ITSN1: variants seen among roughly 807,000 people sequenced by gnomAD.
The protein encoded by ITSN1 is intersectin-1.
ITSN1 carries 58 observed loss-of-function variants against 239.8 expected under a neutral mutation model. The ratio of observed to expected loss-of-function variants is 0.24; its 90% confidence interval spans 0.20 to 0.30. The LOEUF is 0.30. ITSN1 is among the 10% of genes least tolerant of loss of function. ITSN1 has a pLI of 1.00. For missense variants in ITSN1, 1,558 were observed against 2,103.3 expected, an observed-to-expected ratio of 0.74 and a Z score of 5.07; for synonymous variants, 780 against 770.8, an observed-to-expected ratio of 1.01 and a Z score of -0.20.
intron 1 of ITSN1, among the ~76,000 whole-genome samples, chr21:33,708,185 C>G (rs1339306253): frequency 1.3e-5 from 2 of 152,254 alleles, no homozygotes; most frequent in Non-Finnish European, 2.9e-5. Context: ...TATTTTACAT[C>G]TCAGCCATTT....
chr21:33,856,097 G>A (rs184581928), intron 29 of ITSN1, among the ~76,000 whole-genome samples: 3 of 152,252 alleles, frequency 2.0e-5, no homozygotes, highest in East Asian at 3.9e-4. Flanking sequence ...CGGTGTCCTC[G>A]TCTGTGAAAT....
intron 29 of ITSN1, among the ~76,000 whole-genome samples, chr21:33,841,000 C>T (rs1053153725): frequency 2.0e-5 from 3 of 152,016 alleles, no homozygotes; most frequent in Admixed American, 2.0e-4. Flanking sequence ...AGCAGGCCTG[C>T]AGAGTTGGGG....
chr21:33,868,453 C>G (rs1254996196), intron 33 of ITSN1, among the ~76,000 whole-genome samples: 3 of 152,234 alleles, frequency 2.0e-5, no homozygotes, highest in Non-Finnish European at 2.9e-5. Context: ...CAGTCCCGAG[C>G]CCTGCCCCGC....
chr21:33,746,668 C>T (rs1021698666), intron 5 of ITSN1, among the ~76,000 whole-genome samples: 9 of 152,094 alleles, frequency 5.9e-5, no homozygotes, highest in Non-Finnish European at 1.3e-4. Context: ...TGATGAAACC[C>T]CGTCTCTGCT....
In ITSN1 at chr21:33,836,425, G is replaced by C; in HGVS notation, c.3470-16G>C. The C allele has an allele frequency of 6.3e-7, 1 of 1,579,808 alleles. No homozygotes were observed. ...CGGCGGGTGTGCAGCCGCTCACCCA[G>C]CCCTGTCTCCTGCAGTGTGCCAGGT... On this transcript the variant is annotated splice_polypyrimidine_tract_variant and intron_variant, in intron 28 of 39. Transcript: ENST00000381318.
intron 16 of ITSN1, among the ~76,000 whole-genome samples, chr21:33,782,473 C>T (rs956248135): frequency 6.6e-6 from 1 of 152,082 alleles, no homozygotes; most frequent in Non-Finnish European, 1.5e-5. Flanking sequence ...TTTTTTAAAA[C>T]TAAGAATTTT....
chr21:33,877,351 C>T (rs1326328779), intron 34 of ITSN1, among the ~76,000 whole-genome samples: 1 of 152,014 alleles, frequency 6.6e-6, no homozygotes, highest in Non-Finnish European at 1.5e-5. Flanking sequence ...CCGCACCTGG[C>T]CCACCTGCAG....
chr21:33,749,832 TTTTA>T (rs1485118681), intron 5 of ITSN1, among the ~76,000 whole-genome samples: 1 of 152,092 alleles, frequency 6.6e-6, no homozygotes, highest in African/African-American at 2.4e-5. Flanking sequence ...CCAGTTAGGA[TTTTA>T]TTTATTTTTA....
At chr21:33,881,105 C>T (rs113466590) in intron 34 of ITSN1, among the ~76,000 whole-genome samples, 2,039 of 152,174 alleles carry the variant, frequency 0.013, 54 homozygotes, top group African/African-American at 0.047. Flanking sequence ...ACTGGAGGGT[C>T]GCTCAACACC....
chr21:33,782,834 G>C (rs2070313616), intron 16 of ITSN1, among the ~76,000 whole-genome samples: 1 of 152,006 alleles, frequency 6.6e-6, no homozygotes, highest in South Asian at 2.1e-4. Context: ...GACCATCCTG[G>C]CTAACACGGT....
chr21:33,672,939 T>C (rs1018407867), intron 1 of ITSN1, among the ~76,000 whole-genome samples: 22 of 152,296 alleles, frequency 1.4e-4, no homozygotes, highest in Non-Finnish European at 2.6e-4. Flanking sequence ...CTCGATCTCT[T>C]GACCTCGTGA....
At chr21:33,812,087 CT>C (rs2148198840) in intron 21 of ITSN1, among the ~76,000 whole-genome samples, 1 of 152,238 alleles carries the variant, frequency 6.6e-6, no homozygotes, top group African/African-American at 2.4e-5. Context: ...GTTTTTCATA[CT>C]TTATTTTCAC....
At chr21:33,825,365 A>G (rs888721176) in intron 25 of ITSN1, among the ~76,000 whole-genome samples, 1 of 152,192 alleles carries the variant, frequency 6.6e-6, no homozygotes, top group Admixed American at 6.5e-5. Flanking sequence ...CTTTCGTCCT[A>G]CTTGAATACA....
chr21:33,727,143 GC>G (rs2065877986), intron 4 of ITSN1, among the ~76,000 whole-genome samples: 1 of 152,034 alleles, frequency 6.6e-6, no homozygotes, highest in Non-Finnish European at 1.5e-5. Flanking sequence ...TATAACCGTG[GC>G]CAAAGATGGT....
At chr21:33,824,060 C>A (rs568501345) in intron 25 of ITSN1, among the ~76,000 whole-genome samples, 1 of 152,142 alleles carries the variant, frequency 6.6e-6, no homozygotes, top group African/African-American at 2.4e-5. Flanking sequence ...TGGTGATAAT[C>A]GCCCCAGAAT....
intron 7 of ITSN1, among the ~76,000 whole-genome samples, chr21:33,754,425 T>C (rs1293117876): frequency 1.3e-5 from 2 of 152,216 alleles, no homozygotes; most frequent in Non-Finnish European, 2.9e-5. Flanking sequence ...ATATTTTTGT[T>C]GAAGTGAAAT....
intron 24 of ITSN1, among the ~76,000 whole-genome samples, chr21:33,819,988 C>CA (rs888729430): frequency 3.3e-5 from 5 of 151,826 alleles, no homozygotes; most frequent in African/African-American, 7.3e-5. Context: ...GACTCCGTCT[C>CA]AAAAAAATAA....
At chr21:33,720,027 A>G (rs374256091) in intron 2 of ITSN1, among the ~76,000 whole-genome samples, 89 of 152,314 alleles carry the variant, frequency 5.8e-4, no homozygotes, top group African/African-American at 2.1e-3. Context: ...TTTAAAAATC[A>G]CTAGTTATTC....
Position 33,873,330 on chromosome 21 carries a change from G to A in ITSN1, c.4174-2024G>A, listed in dbSNP as rs1159004318. ...ACAAGGCCTGGGCAAATATGCCCTCGGCATTCTCCTGGTACACTTCAAAGG... is the reference window on the plus strand; with the variant it reads ...ACAAGGCCTGGGCAAATATGCCCTCAGCATTCTCCTGGTACACTTCAAAGG... On this transcript the variant is annotated intron_variant, in intron 33 of 39. Coordinates refer to ENST00000381318, the MANE Select transcript of ITSN1 (RefSeq NM_003024.3). 2.6e-5 allele frequency among the ~76,000 whole-genome samples: 4 copies of A among 152,306 alleles called. No homozygotes were observed. In the South Asian group the frequency reaches 8.3e-4, roughly 32 times the overall value.
Sources: allele counts gnomAD v4.1 joint callset (sites outside exome capture counted in the v4.1 genomes callset), GRCh38; gene constraint gnomAD v4.1.1; transcripts MANE v1.5; gene names NCBI Gene and HGNC (gene_info 2026-07-23, HGNC 2026-07-21).